MTA3: variants seen among roughly 807,000 people sequenced by gnomAD.
MTA3 encodes the protein metastasis-associated protein MTA3.
MTA3 carries 34 observed loss-of-function variants against 83.5 expected under a neutral mutation model. The ratio of observed to expected loss-of-function variants is 0.41; its 90% CI spans 0.31 to 0.54. The LOEUF (loss-of-function observed/expected upper bound fraction) is 0.54. MTA3 is among the 20% of genes least tolerant of loss of function. The pLI is 0.33. For synonymous variants in MTA3, 303 were observed against 252.7 expected (o/e 1.20, Z -1.89); for missense variants, 761 against 726.4 (o/e 1.05, Z -0.55).
chr2:42,526,496 A>G (rs909613549), intron 2 of MTA3, among the ~76,000 whole-genome samples: 2 of 152,162 alleles, frequency 1.3e-5, no homozygotes, highest in African/African-American at 4.8e-5. Context: ...CTCAGTGTGA[A>G]CCCAGATACA....
At chr2:42,530,005 G>C (rs965737140) in intron 2 of MTA3, among the ~76,000 whole-genome samples, 13 of 151,796 alleles carry the variant, frequency 8.6e-5, no homozygotes, top group African/African-American at 3.1e-4. Context: ...GGCCAACATG[G>C]TGAAACCAGT....
chr2:42,677,617 T>C (rs550093469), intron 8 of MTA3, among the ~76,000 whole-genome samples: 3 of 152,294 alleles, frequency 2.0e-5, no homozygotes, highest in South Asian at 2.1e-4. Context: ...GTACTGAGAT[T>C]ACGGGTATGA....
rs879384443 is a variant in MTA3 at position 42,726,342 on chromosome 2, CT to C, written c.1759+3320del. On this transcript the variant is annotated intron_variant, in intron 16 of 16. Transcript: ENST00000405094. ...ACCCTCTACCTTTGCATTGCAGGTT[CT>C]TTTTTTTTTTTTAATTTTATTATTA... 5.0e-3 allele frequency among the ~76,000 whole-genome samples: 712 copies of C among 142,330 alleles called. 3 individuals carry two copies. Among genetic ancestry groups the C allele is most frequent in the African/African-American group, 0.011 (446 of 39,028 alleles). The allele number at this position is 142,330 out of a possible 152,430, so 93.4% of individuals were successfully genotyped here.
intron 3 of MTA3, among the ~76,000 whole-genome samples, chr2:42,600,825 G>C (rs1180186398): frequency 2.6e-5 from 4 of 152,206 alleles, no homozygotes; most frequent in African/African-American, 9.6e-5. Context: ...ACAGACGTAA[G>C]CCACTGTGAT....
At chr2:42,521,272 A>T (rs1364361685) in intron 2 of MTA3, among the ~76,000 whole-genome samples, 2 of 152,120 alleles carry the variant, frequency 1.3e-5, no homozygotes, top group Non-Finnish European at 2.9e-5. Context: ...AAAGGAACTG[A>T]CATCTCTGGC....
chr2:42,501,113 A>T (rs1674376563), intron 2 of MTA3, among the ~76,000 whole-genome samples: 1 of 152,130 alleles, frequency 6.6e-6, no homozygotes, highest in South Asian at 2.1e-4. Context: ...CGTGACCTGT[A>T]TAGCATCTTA....
chr2:42,640,907 C>A (rs1227753502), intron 5 of MTA3, among the ~76,000 whole-genome samples: 1 of 151,942 alleles, frequency 6.6e-6, no homozygotes, highest in Non-Finnish European at 1.5e-5. Flanking sequence ...ATTACATATA[C>A]GTATGTTTTA....
chr2:42,680,431 C>A (rs1691772790), intron 8 of MTA3, among the ~76,000 whole-genome samples: 1 of 152,006 alleles, frequency 6.6e-6, no homozygotes, highest in Non-Finnish European at 1.5e-5. Context: ...TGAAGCTATC[C>A]CCATTTGTGA....
At chr2:42,589,643 TC>T (rs1278922538) in intron 3 of MTA3, among the ~76,000 whole-genome samples, 1 of 152,116 alleles carries the variant, frequency 6.6e-6, no homozygotes, top group Non-Finnish European at 1.5e-5. Flanking sequence ...ACCTCTGCCT[TC>T]CAGGTTCAAG....
chr2:42,556,217 T>C (rs1014827809), intron 2 of MTA3, among the ~76,000 whole-genome samples: 16 of 151,944 alleles, frequency 1.1e-4, no homozygotes, highest in Non-Finnish European at 4.4e-5. Flanking sequence ...CTTCTGCTTC[T>C]CTATCTCCCC....
rs1252731150 is a variant in MTA3 at position 42,595,334 on chromosome 2, T to A, written c.191-14124T>A. Among the ~76,000 whole-genome samples the A allele has an allele frequency of 2.0e-5, 3 of 151,352 alleles. No individual in the cohort carries two copies. The East Asian group carries it at 5.8e-4, about 29-fold the overall frequency. On this transcript the variant is annotated intron_variant, in intron 3 of 16. Transcript: ENST00000405094. ...ACCGTGTTAGCCAGGATGGTCTCAA[T>A]CTCCTGACCTCGTGATCTGCCTGCC...
At chr2:42,509,554 G>C (rs1197227985) in intron 2 of MTA3, among the ~76,000 whole-genome samples, 1 of 152,066 alleles carries the variant, frequency 6.6e-6, no homozygotes, top group Admixed American at 6.6e-5. Flanking sequence ...TGGCTTGCTT[G>C]AACCCAGGTG....
At chr2:42,519,987 A>C (rs1208353377) in intron 2 of MTA3, among the ~76,000 whole-genome samples, 3 of 152,166 alleles carry the variant, frequency 2.0e-5, no homozygotes, top group Non-Finnish European at 2.9e-5. Context: ...GGTTGCAGTG[A>C]GTTGAGATCA....
intron 4 of MTA3, among the ~76,000 whole-genome samples, chr2:42,628,027 G>A (rs1367080020): frequency 6.6e-6 from 1 of 151,852 alleles, no homozygotes; most frequent in Non-Finnish European, 1.5e-5. Flanking sequence ...TGGGATTACA[G>A]GTGAGCACCA....
intron 2 of MTA3, among the ~76,000 whole-genome samples, chr2:42,517,376 G>A (rs527452237): frequency 3.3e-5 from 5 of 151,478 alleles, no homozygotes; most frequent in South Asian, 2.1e-4. Flanking sequence ...GGTCAAGACC[G>A]GCATGGCCAA....
At chr2:42,654,937 A>G (rs1019594408) in intron 6 of MTA3, among the ~76,000 whole-genome samples, 5 of 152,154 alleles carry the variant, frequency 3.3e-5, no homozygotes, top group Admixed American at 2.0e-4. Flanking sequence ...ACTAATGCCA[A>G]CGCTGTGAGT....
intron 2 of MTA3, among the ~76,000 whole-genome samples, chr2:42,521,510 C>A (rs1675429274): frequency 6.6e-6 from 1 of 152,112 alleles, no homozygotes; most frequent in African/African-American, 2.4e-5. Flanking sequence ...ATAACTAATA[C>A]CTCCTAAACC....
At chr2:42,530,257 A>G (rs991058178) in intron 2 of MTA3, among the ~76,000 whole-genome samples, 17 of 152,150 alleles carry the variant, frequency 1.1e-4, no homozygotes, top group African/African-American at 3.6e-4. Context: ...TGGGAGGCCA[A>G]GACAGGCGGA....
At chr2:42,619,790 C>A (rs573872400) in intron 4 of MTA3, among the ~76,000 whole-genome samples, 1 of 152,256 alleles carries the variant, frequency 6.6e-6, no homozygotes, top group South Asian at 2.1e-4. Flanking sequence ...ATTTTCATAA[C>A]AGTAAGATGT....
Sources: gnomAD v4.1 joint callset for allele counts (sites outside exome capture counted in the v4.1 genomes callset) on GRCh38, gnomAD v4.1.1 for gene constraint, MANE v1.5 for transcripts, NCBI Gene and HGNC (gene_info 2026-07-23, HGNC 2026-07-21) for gene names.